Variants in ATG10 observed in about 807,000 individuals in gnomAD.
ATG10 encodes autophagy related 10.
ATG10 carries 30 observed loss-of-function variants against 32.1 expected under a neutral mutation model. That is an observed-to-expected ratio of 0.94 (90% CI 0.70 to 1.27). The LOEUF (loss-of-function observed/expected upper bound fraction) is 1.27, where lower values mean the gene tolerates loss of function less well. Ranked by LOEUF, ATG10 falls within the 50% of genes most tolerant of loss-of-function variation. ATG10 has a pLI of 0.00. For synonymous variants in ATG10, 87 were observed against 91.5 expected, an observed-to-expected ratio of 0.95 and a Z score of 0.28; for missense variants, 233 against 262.3, an observed-to-expected ratio of 0.89 and a Z score of 0.77.
intron 5 of ATG10, among the ~76,000 whole-genome samples, chr5:82,249,129 T>C (rs1187532745): frequency 6.6e-6 from 1 of 152,104 alleles, no homozygotes; most frequent in African/African-American, 2.4e-5. Context: ...TGAGGAAAAA[T>C]GAATATTAAA....
At chr5:82,173,818 G>T (rs1398404271) in intron 4 of ATG10, among the ~76,000 whole-genome samples, 1 of 152,098 alleles carries the variant, frequency 6.6e-6, no homozygotes, top group African/African-American at 2.4e-5. Context: ...TCTTAACATG[G>T]TTTAAAGTTT....
At chr5:81,983,670 G>A (rs1195407662) in intron 1 of ATG10, among the ~76,000 whole-genome samples, 2 of 151,788 alleles carry the variant, frequency 1.3e-5, no homozygotes, top group East Asian at 3.9e-4. Context: ...CCCGGACGGG[G>A]TGGCTGCCGG....
At chr5:82,060,219 A>T (rs779722506) in intron 3 of ATG10, among the ~76,000 whole-genome samples, 2 of 152,222 alleles carry the variant, frequency 1.3e-5, no homozygotes, top group Non-Finnish European at 2.9e-5. Context: ...AATTTGAAAC[A>T]TATGGAAAAA....
chr5:82,046,490 G>A (rs1349695894), intron 2 of ATG10, among the ~76,000 whole-genome samples: 2 of 152,094 alleles, frequency 1.3e-5, no homozygotes, highest in African/African-American at 2.4e-5. Flanking sequence ...TAAAGAGAGA[G>A]CACGGCTCTG....
intron 2 of ATG10, among the ~76,000 whole-genome samples, chr5:82,037,243 T>TGAACTGTAGTCATGATAGTGAGCA (rs1762955381): frequency 1.8e-5 from 1 of 56,996 alleles, no homozygotes. Context: ...ACTTTTTTTT[T>TGAACTGTAGTCATGATAGTGAGCA]TTTTTTTTTT....
intron 3 of ATG10, among the ~76,000 whole-genome samples, chr5:82,114,065 T>C (rs1484902612): frequency 6.6e-6 from 1 of 152,038 alleles, no homozygotes; most frequent in Non-Finnish European, 1.5e-5. Context: ...CCCTACATTA[T>C]ATAAATTTTC....
intron 3 of ATG10, among the ~76,000 whole-genome samples, chr5:82,064,835 C>G (rs1763889190): frequency 6.6e-6 from 1 of 152,010 alleles, no homozygotes; most frequent in South Asian, 2.1e-4. Flanking sequence ...TTATGGAGGA[C>G]TAACTATAGG....
intron 3 of ATG10, among the ~76,000 whole-genome samples, chr5:82,103,258 G>A (rs1467702540): frequency 1.3e-5 from 2 of 152,096 alleles, no homozygotes; most frequent in African/African-American, 4.8e-5. Flanking sequence ...CTAGTAAAAT[G>A]TAAAATAATT....
At chr5:82,188,302 G>T (rs568796859) in intron 5 of ATG10, among the ~76,000 whole-genome samples, 3 of 152,044 alleles carry the variant, frequency 2.0e-5, no homozygotes, top group Non-Finnish European at 4.4e-5. Context: ...ATATTGCTTA[G>T]CTTTTTACCA....
chr5:82,032,258 G>C (rs952101835), intron 2 of ATG10, among the ~76,000 whole-genome samples: 13 of 152,170 alleles, frequency 8.5e-5, no homozygotes, highest in African/African-American at 3.1e-4. Context: ...TTATATATCT[G>C]TGCTCAGTTT....
chr5:82,078,155 C>T (rs1764339845), intron 3 of ATG10, among the ~76,000 whole-genome samples: 1 of 152,230 alleles, frequency 6.6e-6, no homozygotes, highest in Non-Finnish European at 1.5e-5. Context: ...TGTCTGGCCA[C>T]TATCCCACGT....
chr5:82,113,934 AC>A (rs1765696176), intron 3 of ATG10, among the ~76,000 whole-genome samples: 1 of 151,900 alleles, frequency 6.6e-6, no homozygotes, highest in Admixed American at 6.6e-5. Context: ...TAGTTTTTGT[AC>A]TTTGATTTTG....
intron 3 of ATG10, among the ~76,000 whole-genome samples, chr5:82,079,813 C>T (rs1310960660): frequency 1.3e-5 from 2 of 152,104 alleles, no homozygotes; most frequent in Non-Finnish European, 2.9e-5. Flanking sequence ...GTGAATAGTG[C>T]CGTAATAAAC....
intron 3 of ATG10, among the ~76,000 whole-genome samples, chr5:82,069,062 TA>T (rs1764038489): frequency 6.6e-6 from 1 of 152,058 alleles, no homozygotes; most frequent in Non-Finnish European, 1.5e-5. Context: ...TTATTAAGTA[TA>T]TTTACAATTT....
intron 5 of ATG10, among the ~76,000 whole-genome samples, chr5:82,217,477 A>G (rs906284572): frequency 1.3e-5 from 2 of 152,108 alleles, no homozygotes; most frequent in South Asian, 2.1e-4. Context: ...TATAAATGCA[A>G]TCTTATCCCT....
At chr5:81,998,490 A>C (rs1761733955) in intron 2 of ATG10, among the ~76,000 whole-genome samples, 1 of 152,218 alleles carries the variant, frequency 6.6e-6, no homozygotes, top group South Asian at 2.1e-4. Context: ...AAGTCTGCAT[A>C]ATAACCAGCT....
intron 5 of ATG10, among the ~76,000 whole-genome samples, chr5:82,230,838 A>C (rs770835298): frequency 1.3e-5 from 2 of 151,908 alleles, no homozygotes; most frequent in Non-Finnish European, 2.9e-5. Context: ...ATGGAAAATT[A>C]TGTAATTAAA....
chr5:82,252,503 T>TTATTTTAGCCTTTTCAAAG (rs1352626685), intron 5 of ATG10, 59 bp from the exon 6 acceptor site: 1 of 1,016,920 alleles, frequency 9.8e-7, no homozygotes, highest in African/African-American at 1.6e-5. Flanking sequence ...ACCAGATAAA[T>TTATTTTAGCCTTTTCAAAG]TATTTTAGCC....
At chr5:82,073,593 G>A (rs1193482750) in intron 3 of ATG10, 1 of 152,192 alleles carries the variant, frequency 6.6e-6, no homozygotes, top group African/African-American at 2.4e-5. Flanking sequence ...CCAAATACAG[G>A]AGTTGGGAGG....
Sources: allele counts gnomAD v4.1 joint callset (sites outside exome capture counted in the v4.1 genomes callset), GRCh38; gene constraint gnomAD v4.1.1; transcripts MANE v1.5; gene names NCBI Gene and HGNC (gene_info 2026-07-23, HGNC 2026-07-21).